The following PCDH11X variants were observed in gnomAD, a reference collection of about 807,000 sequenced individuals.
PCDH11X encodes the protein protocadherin 11 X-linked, also known as protocadherin-11 X-linked.
A neutral mutation model predicts 53.3 loss-of-function variants in PCDH11X; 18 were observed. That is an observed-to-expected ratio of 0.34 (90% CI 0.23 to 0.50). The LOEUF (loss-of-function observed/expected upper bound fraction) is 0.50, where lower values mean the gene tolerates loss of function less well. Among genes scored for constraint, PCDH11X ranks in the 20% least tolerant of loss-of-function variants. The pLI is 0.98. For synonymous variants in PCDH11X, 279 were observed against 393.3 expected, an observed-to-expected ratio of 0.71 and a Z score of 3.44; for missense variants, 570 against 1,032.4, an observed-to-expected ratio of 0.55 and a Z score of 6.14.
chrX:92,602,549 A>G (rs1193647154), intron 10 of PCDH11X, among the ~76,000 whole-genome samples: 1 of 108,414 alleles, frequency 9.2e-6, no homozygotes, highest in Admixed American at 9.9e-5. Context: ...ACTGGCTGAG[A>G]ACGGATACCA....
At chrX:92,139,361 C>T (rs764472683) in intron 6 of PCDH11X, among the ~76,000 whole-genome samples, 108 of 102,937 alleles carry the variant, frequency 1.0e-3, no homozygotes, top group African/African-American at 3.7e-3. Context: ...CTGCAACCTC[C>T]GCCTCCCAGG....
intron 6 of PCDH11X, among the ~76,000 whole-genome samples, chrX:91,888,546 T>G (rs2147759107): frequency 9.1e-6 from 1 of 109,588 alleles, no homozygotes; most frequent in East Asian, 2.9e-4. Flanking sequence ...TCTCAGCTAC[T>G]TGTGAGGCTG....
At chrX:92,536,653 CTTTTTTTTTTTTT>C (rs57786279) in intron 10 of PCDH11X, among the ~76,000 whole-genome samples, 3 of 49,833 alleles carry the variant, frequency 6.0e-5, no homozygotes, top group Non-Finnish European at 1.1e-4. Context: ...GGATAAAAGC[CTTTTTTTTTTTTT>C]TTTTTTTTTG....
At chrX:91,994,085 T>G (rs2062370243) in intron 6 of PCDH11X, among the ~76,000 whole-genome samples, 1 of 94,136 alleles carries the variant, frequency 1.1e-5, no homozygotes, top group Admixed American at 1.2e-4. Context: ...AAATAAAAAT[T>G]GTATAAATTT....
chrX:92,470,548 C>A (rs895561942), intron 10 of PCDH11X, among the ~76,000 whole-genome samples: 7 of 109,830 alleles, frequency 6.4e-5, no homozygotes, highest in Non-Finnish European at 1.9e-5. Flanking sequence ...AAACACTTTT[C>A]GTTTTTTCCC....
chrX:92,508,411 C>T (rs5942271), intron 10 of PCDH11X, among the ~76,000 whole-genome samples: 31,225 of 107,732 alleles, frequency 0.29, 3,873 homozygotes, highest in Non-Finnish European at 0.37. Flanking sequence ...TTAGTAGAGA[C>T]GGGGTTTCAC....
intron 6 of PCDH11X, among the ~76,000 whole-genome samples, chrX:92,043,281 A>T (rs2063238093): frequency 9.1e-6 from 1 of 109,588 alleles, no homozygotes; most frequent in Admixed American, 1.0e-4. Flanking sequence ...GCAATTAGTG[A>T]TCTTAGCTTT....
chrX:92,462,228 T>C (rs2073063627), intron 9 of PCDH11X, among the ~76,000 whole-genome samples: 1 of 111,916 alleles, frequency 8.9e-6, no homozygotes, highest in Non-Finnish European at 1.9e-5. Flanking sequence ...CGAAATTGGG[T>C]AAATTGCTTA....
rs754644391 is a variant in PCDH11X at position 92,065,177 on chromosome X, CT to C, written c.3034-136191del. On this transcript the variant is annotated intron_variant, in intron 6 of 10. Transcript: ENST00000682573. Reference sequence around the variant, plus strand: ...TTACAAATGACTGGATGATCTCATTCTTTTTTTATGGCTGAATAGTACCCCA... The same window carrying C: ...TTACAAATGACTGGATGATCTCATTCTTTTTTATGGCTGAATAGTACCCCA... 2.6e-4 allele frequency among the ~76,000 whole-genome samples: 26 copies of C among 99,644 alleles called. No individual in the cohort carries two copies. In the East Asian group the frequency reaches 7.4e-3, roughly 28 times the overall value. The allele number at this position is 99,644 out of a possible 115,157, so 86.5% of individuals were successfully genotyped here.
chrX:92,134,958 T>G (rs1176044927), intron 6 of PCDH11X, among the ~76,000 whole-genome samples: 3 of 111,030 alleles, frequency 2.7e-5, no homozygotes, highest in Non-Finnish European at 5.7e-5. Flanking sequence ...CTTAACCATC[T>G]GGGAATGCAG....
At chrX:92,411,864 GA>G (rs1347842220) in intron 9 of PCDH11X, among the ~76,000 whole-genome samples, 1 of 85,959 alleles carries the variant, frequency 1.2e-5, no homozygotes, top group African/African-American at 4.9e-5. Context: ...AAAGAAGAAA[GA>G]AAGAAAGAAG....
chrX:92,175,889 TTCTAATC>T (rs1249675722), intron 6 of PCDH11X, among the ~76,000 whole-genome samples: 2 of 108,183 alleles, frequency 1.8e-5, no homozygotes, highest in Non-Finnish European at 3.8e-5. Context: ...AATAAGAACT[TTCTAATC>T]TATAATTCCA....
intron 5 of PCDH11X, among the ~76,000 whole-genome samples, chrX:91,844,149 T>C (rs60248112): frequency 0.01 from 1,157 of 111,660 alleles, 17 homozygotes; most frequent in African/African-American, 0.036. Context: ...TTCTAAGAGT[T>C]GATGCTTCAT....
At chrX:92,269,650 C>T (rs1175949482) in intron 8 of PCDH11X, among the ~76,000 whole-genome samples, 8 of 110,813 alleles carry the variant, frequency 7.2e-5, no homozygotes, top group Non-Finnish European at 1.5e-4. Context: ...CTCTTTAGTC[C>T]CTTCCTAAAT....
intron 8 of PCDH11X, among the ~76,000 whole-genome samples, chrX:92,341,933 AC>A (rs1359637352): frequency 1.8e-5 from 2 of 112,336 alleles, no homozygotes; most frequent in Non-Finnish European, 3.8e-5. Context: ...ATTCACAAAC[AC>A]AAATCCAACA....
At chrX:91,932,587 G>A (rs1396906218) in intron 6 of PCDH11X, among the ~76,000 whole-genome samples, 22 of 99,911 alleles carry the variant, frequency 2.2e-4, no homozygotes, top group Non-Finnish European at 6.1e-5. Context: ...GGGGAGAAAT[G>A]GAGGAAGAGA....
chrX:92,102,053 G>A (rs2064266263), intron 6 of PCDH11X, among the ~76,000 whole-genome samples: 1 of 110,971 alleles, frequency 9.0e-6, no homozygotes, highest in Admixed American at 9.7e-5. Flanking sequence ...GGGAAATGGG[G>A]TGAATATCAG....
chrX:92,046,613 AT>A (rs1413330929), intron 6 of PCDH11X, among the ~76,000 whole-genome samples: 14 of 111,387 alleles, frequency 1.3e-4, no homozygotes, highest in African/African-American at 4.3e-4. Context: ...TGATCCAAAA[AT>A]AAAAAAAGCA....
chrX:92,020,222 T>C (rs1189114682), intron 6 of PCDH11X, among the ~76,000 whole-genome samples: 1 of 112,516 alleles, frequency 8.9e-6, no homozygotes, highest in Non-Finnish European at 1.9e-5. Context: ...CTGTCTGCTG[T>C]CTAAGTCATT....
Sources: allele counts gnomAD v4.1 joint callset (sites outside exome capture counted in the v4.1 genomes callset), GRCh38; gene constraint gnomAD v4.1.1; transcripts MANE v1.5; gene names NCBI Gene and HGNC (gene_info 2026-07-23, HGNC 2026-07-21).